Variants in NFATC1 observed in about 807,000 individuals in gnomAD.
NFATC1 encodes the protein nuclear factor of activated T cells 1.
A neutral mutation model predicts 76.0 loss-of-function variants in NFATC1; 22 were observed. The observed-to-expected ratio is 0.29, with a 90% CI of 0.21 to 0.41. NFATC1 has a LOEUF of 0.41. NFATC1 is among the 10% of genes least tolerant of loss of function. The probability of loss-of-function intolerance (pLI) is 1.00; values close to 1 mark genes in which losing one functional copy is unlikely to be tolerated. For missense variants in NFATC1, 1,357 were observed against 1,337.7 expected (o/e 1.01, Z -0.23); for synonymous variants, 704 against 613.1 (o/e 1.15, Z -2.19).
chr18:79,452,071 C>A (rs1299175505), intron 6 of NFATC1: 7 of 380,954 alleles, frequency 1.8e-5, no homozygotes, highest in Non-Finnish European at 3.3e-5. Context: ...ACTCACATCG[C>A]TGCTGATACT....
At chr18:79,434,934 A>G (rs191097528) in intron 3 of NFATC1, among the ~76,000 whole-genome samples, 91 of 152,278 alleles carry the variant, frequency 6.0e-4, no homozygotes, top group African/African-American at 2.1e-3. Flanking sequence ...AAGCAAGGAA[A>G]TGCGGGAGAC....
chr18:79,518,641 G>T (rs1276348939), intron 9 of NFATC1, among the ~76,000 whole-genome samples: 1 of 152,246 alleles, frequency 6.6e-6, no homozygotes, highest in Non-Finnish European at 1.5e-5. Flanking sequence ...ATTGCCCAGG[G>T]CGTGGCCCAC....
At chr18:79,447,021 G>T (rs554872168) in intron 3 of NFATC1, among the ~76,000 whole-genome samples, 1 of 152,372 alleles carries the variant, frequency 6.6e-6, no homozygotes, top group Admixed American at 6.5e-5. Context: ...CAGGCCCTCA[G>T]TGACAGCAGC....
chr18:79,506,980 C>T (rs1177380932), intron 9 of NFATC1, among the ~76,000 whole-genome samples: 1 of 152,224 alleles, frequency 6.6e-6, no homozygotes, highest in African/African-American at 2.4e-5. Flanking sequence ...GGCCCCGGAC[C>T]CATAATCAAA....
At chr18:79,483,595 G>A (rs536142248) in intron 8 of NFATC1, among the ~76,000 whole-genome samples, 4 of 136,292 alleles carry the variant, frequency 2.9e-5, no homozygotes, top group African/African-American at 8.6e-5. Flanking sequence ...TTCCTGGGGC[G>A]TCACTCCGGC....
chr18:79,490,706 C>T (rs982845396), intron 9 of NFATC1, among the ~76,000 whole-genome samples: 1 of 152,244 alleles, frequency 6.6e-6, no homozygotes, highest in Non-Finnish European at 1.5e-5. Context: ...TGGATGGAGC[C>T]GTAGATGGGT....
At position 79,410,880 on chromosome 18, in the gene NFATC1, C is replaced by T. The variant is rs759719115; in HGVS notation, c.605C>T (p.Thr202Met). ...TCGTACCCGTACGCGTCCCCCCAGA[C>T]GTCGCCATGGCAGTCTCCCTGCGTG... ...NYSYPYASPQ[T>M]SPWQSPCVSP... is the part of the protein sequence containing the mutation. The change falls in exon 2 of 10, where the codon ACG (threonine) becomes ATG (methionine). Residue 202 changes from threonine to methionine, a missense_variant. This residue lies in a region of NFATC1 where 691 missense variants were observed against 613.1 expected (regional missense o/e 1.13). Transcript: ENST00000427363. This position sits in a 1 kb window ranked among gnomAD's most constrained non-coding sequence, Gnocchi z 6.7. 15 of 1,609,168 alleles carry T rather than the reference C, an allele frequency of 9.3e-6. No individual in the cohort carries two copies. The highest frequency in any genetic ancestry group is 2.2e-5 in the South Asian group (2 of 90,698).
intron 1 of NFATC1, among the ~76,000 whole-genome samples, chr18:79,404,581 G>A (rs1277669858): frequency 6.6e-6 from 1 of 152,248 alleles, no homozygotes; most frequent in Non-Finnish European, 1.5e-5. Context: ...GTGCCTGGGG[G>A]TCGACCTGTG....
At chr18:79,474,139 CGTT>C (rs36174126) in intron 8 of NFATC1, among the ~76,000 whole-genome samples, 1,974 of 124,474 alleles carry the variant, frequency 0.016, 27 homozygotes, top group African/African-American at 0.034. Context: ...TCGCTGTCGA[CGTT>C]GTAAACCTGA....
intron 6 of NFATC1, among the ~76,000 whole-genome samples, chr18:79,457,574 C>T (rs902196436): frequency 1.3e-5 from 2 of 152,204 alleles, no homozygotes; most frequent in Non-Finnish European, 2.9e-5. Context: ...GAAATATGAT[C>T]TATACACCAT....
intron 1 of NFATC1, among the ~76,000 whole-genome samples, chr18:79,401,651 C>T (rs567768724): frequency 6.6e-6 from 1 of 152,350 alleles, no homozygotes; most frequent in African/African-American, 2.4e-5. Context: ...GTGTGCCATG[C>T]GAGAGTGTCG....
At position 79,472,123 on chromosome 18, in the gene NFATC1, G is replaced by A. The variant is rs566088534; in HGVS notation, c.2092+4541G>A. On this transcript the variant is annotated intron_variant, in intron 8 of 9. Coordinates refer to ENST00000427363, the MANE Select transcript of NFATC1 (RefSeq NM_001278669.2). ...TTGGGTCCACCCCAGCGATCATCAC[G>A]GGAGAGAGCTGCTTAGGGTGTGAGC... Among the ~76,000 whole-genome samples, 18 of 152,292 alleles carry A rather than the reference G, an allele frequency of 1.2e-4. No homozygotes were observed. The South Asian group carries it at 2.9e-3, about 25-fold the overall frequency.
At chr18:79,454,747 TG>T (rs1366668946) in intron 6 of NFATC1, among the ~76,000 whole-genome samples, 3 of 152,168 alleles carry the variant, frequency 2.0e-5, no homozygotes, top group African/African-American at 7.2e-5. Context: ...GGAGGCAGGT[TG>T]GCTGTGGGGA....
At chr18:79,455,353 C>G (rs2087650257) in intron 6 of NFATC1, among the ~76,000 whole-genome samples, 1 of 152,014 alleles carries the variant, frequency 6.6e-6, no homozygotes, top group Non-Finnish European at 1.5e-5. Flanking sequence ...GCCGCCGTGA[C>G]TGGCAGGCCA....
chr18:79,409,517 CCATCCATCCAT>C (rs1253822954), intron 1 of NFATC1, among the ~76,000 whole-genome samples: 2 of 150,738 alleles, frequency 1.3e-5, no homozygotes, highest in Admixed American at 1.3e-4. Flanking sequence ...GTTTAGCTGT[CCATCCATCCAT>C]CATCCATCCA....
intron 8 of NFATC1, among the ~76,000 whole-genome samples, chr18:79,483,173 C>G (rs1275779750): frequency 4.9e-5 from 5 of 102,266 alleles, no homozygotes; most frequent in African/African-American, 4.0e-5. Context: ...TGACCTGGTT[C>G]CTGGGGTGTA....
chr18:79,513,058 C>T (rs985066031), intron 9 of NFATC1, among the ~76,000 whole-genome samples: 2 of 152,220 alleles, frequency 1.3e-5, no homozygotes, highest in Non-Finnish European at 2.9e-5. Context: ...TTTTAAAGAG[C>T]GCTTTAAAAA....
In NFATC1 at chr18:79,396,173, C is replaced by A; in HGVS notation, c.-52C>A. ...CCCGACCCCGGCAGCGCGGGGCGGCCGCTTCTCCTGTGCCTCCGCCCGCCG... is the reference window on the plus strand; with the variant it reads ...CCCGACCCCGGCAGCGCGGGGCGGCAGCTTCTCCTGTGCCTCCGCCCGCCG... On this transcript the variant is annotated 5_prime_UTR_variant, in exon 1 of 10. Transcript: ENST00000427363. The A allele has an allele frequency of 7.1e-7, 1 of 1,409,086 alleles. No individual in the cohort carries two copies. Among genetic ancestry groups the A allele is most frequent in the South Asian group, 1.4e-5 (1 of 73,142 alleles). The allele number at this position is 1,409,086 out of a possible 1,614,324, so 87.3% of individuals were successfully genotyped here.
At chr18:79,473,231 C>T (rs553974811) in intron 8 of NFATC1, among the ~76,000 whole-genome samples, 20 of 152,398 alleles carry the variant, frequency 1.3e-4, no homozygotes, top group Non-Finnish European at 2.8e-4. Context: ...GCTGGCCCCA[C>T]CTGTGAACAG....
Sources: allele counts gnomAD v4.1 joint callset (sites outside exome capture counted in the v4.1 genomes callset), GRCh38; gene constraint gnomAD v4.1.1; regional missense constraint gnomAD v4.1.1; non-coding constraint Gnocchi (gnomAD v3.1); transcripts MANE v1.5; gene names NCBI Gene and HGNC (gene_info 2026-07-23, HGNC 2026-07-21).